The following NOP14 variants were observed in gnomAD, a reference collection of about 807,000 sequenced individuals.
NOP14 encodes nucleolar protein 14.
In NOP14, 57 loss-of-function variants were observed where a neutral mutation model predicts 101.6. The ratio of observed to expected loss-of-function variants is 0.56; its 90% CI spans 0.45 to 0.70. NOP14 has a LOEUF of 0.70. Among genes scored for constraint, NOP14 ranks in the 30% least tolerant of loss-of-function variants. The pLI is 0.00. For synonymous variants in NOP14, 428 were observed against 424.0 expected, an observed-to-expected ratio of 1.01 and a Z score of -0.12; for missense variants, 1,134 against 1,075.5, an observed-to-expected ratio of 1.05 and a Z score of -0.76.
At chr4:2,951,038 C>A in intron 7 of NOP14, 76 bp downstream of exon 7, 1 of 1,361,318 alleles carries the variant, frequency 7.3e-7, no homozygotes, top group South Asian at 1.4e-5. Context: ...GTAATAAATC[C>A]CTAAAATGAA....
intron 3 of NOP14, among the ~76,000 whole-genome samples, chr4:2,954,923 A>G (rs917298822): frequency 2.6e-5 from 4 of 151,892 alleles, no homozygotes; most frequent in Non-Finnish European, 4.4e-5. Flanking sequence ...CAGTGGTGCA[A>G]TCTGTGTCCC....
chr4:2,941,011 G>C (rs1295590656), intron 15 of NOP14: 2 of 154,444 alleles, frequency 1.3e-5, no homozygotes, highest in Non-Finnish European at 2.9e-5. Context: ...GGCAGGGTTG[G>C]GGCAGGATGA....
In NOP14 at chr4:2,946,589, A is replaced by G. The variant is rs766604819; in HGVS notation, c.1500-42T>C. 1.9e-6 allele frequency: 3 copies of G among 1,605,758 alleles called. No homozygotes were observed. In the African/African-American group the frequency reaches 4.0e-5, roughly 21 times the overall value. ...TAAAGTCAGGAGAGAATGACTTTAG[A>G]TAAGAAACACAGAAAAGCCCTGCAA... On this transcript the variant is annotated intron_variant, in intron 10 of 17. Coordinates refer to ENST00000416614, the MANE Select transcript of NOP14 (RefSeq NM_001291978.2).
At chr4:2,961,781 G>T (rs1326356823) in intron 1 of NOP14, 1 of 152,192 alleles carries the variant, frequency 6.6e-6, no homozygotes, top group African/African-American at 2.4e-5. Context: ...ATCTCCTAAG[G>T]CACTCAGGTT....
intron 11 of NOP14, among the ~76,000 whole-genome samples, chr4:2,945,485 A>T (rs1714556235): frequency 6.6e-6 from 1 of 152,204 alleles, no homozygotes; most frequent in South Asian, 2.1e-4. Context: ...GGCTCAGATC[A>T]TGTTTTGGGG....
At position 2,948,268 on chromosome 4, in the gene NOP14, A is replaced by G. The variant is rs1223767605; in HGVS notation, c.1413+10T>C. ...ACTCCCAGCGCTCCACACACACTCA[A>G]TCCACGTACTTCTAATTTTGCTTTG... On this transcript the variant is annotated intron_variant, in intron 9 of 17. Coordinates refer to ENST00000416614, the MANE Select transcript of NOP14 (RefSeq NM_001291978.2). 2.5e-6 allele frequency: 4 copies of G among 1,595,366 alleles called. No individual in the cohort carries two copies. Among genetic ancestry groups the G allele is most frequent in the Non-Finnish European group, 3.4e-6 (4 of 1,174,212 alleles).
chr4:2,943,549 GCTC>G (rs1467572763), intron 13 of NOP14, among the ~76,000 whole-genome samples: 2 of 152,224 alleles, frequency 1.3e-5, no homozygotes, highest in African/African-American at 2.4e-5. Context: ...TGTGCAGACT[GCTC>G]CTCATCCCAA....
rs140556721 is a variant in NOP14 at position 2,941,991 on chromosome 4, A to C, written c.2051+201T>G. On this transcript the variant is annotated intron_variant, in intron 14 of 17. Coordinates refer to ENST00000416614, the MANE Select transcript of NOP14 (RefSeq NM_001291978.2). Reference sequence around the variant, plus strand: ...TTTTGGTTCCAAATTATGATTTGTGAAATCAAGCAAATGTATTTTGAAAAT... The same window carrying C: ...TTTTGGTTCCAAATTATGATTTGTGCAATCAAGCAAATGTATTTTGAAAAT... 5.0e-3 allele frequency: 3,218 copies of C among 644,002 alleles called. 15 individuals carry two copies. The highest frequency in any genetic ancestry group is 0.017 in the Middle Eastern group (41 of 2,360). 39.9% of individuals were successfully genotyped at this position (644,002 alleles called of 1,614,324 possible).
intron 11 of NOP14, 33 bp downstream of exon 11, chr4:2,946,379 G>A (rs899257895): frequency 3.1e-6 from 5 of 1,611,312 alleles, no homozygotes; most frequent in South Asian, 1.1e-5. Context: ...AACTTCTGTG[G>A]CAGGGGCAGT....
In NOP14 at chr4:2,951,116, T is replaced by C; in HGVS notation, c.1000A>G (p.Lys334Glu). ...GAAAATGAAGGCAAACATCTTACTTTGTAGGAAAGCAAACGCCTGTCATCT... is the reference window on the plus strand; with the variant it reads ...GAAAATGAAGGCAAACATCTTACTTCGTAGGAAAGCAAACGCCTGTCATCT... The part of the protein sequence containing the change: ...DKDDRRLLSY[K>E]DGKMNVEEDV... Residue 334 changes from lysine (K) to glutamate (E), a missense_variant and splice_region_variant, in exon 7 of 18, where the codon AAA becomes GAA. Physicochemically the swap from Lys to Glu is moderately conservative, Grantham distance 56 (BLOSUM62 1). Coordinates refer to ENST00000416614, the MANE Select transcript of NOP14 (RefSeq NM_001291978.2). 1.2e-6 allele frequency: 2 copies of C among 1,606,104 alleles called. No individual in the cohort carries two copies. Among genetic ancestry groups the C allele is most frequent in the South Asian group, 1.1e-5 (1 of 90,016 alleles).
At chr4:2,946,680 A>G in intron 10 of NOP14, 133 bp from the exon 11 acceptor site, 1 of 744,158 alleles carries the variant, frequency 1.3e-6, no homozygotes, top group Non-Finnish European at 2.2e-6. Context: ...GCTTTTTCTA[A>G]CAGCATTCTT....
At chr4:2,960,702 TATTAATATATTAATATTATA>T in intron 1 of NOP14, among the ~76,000 whole-genome samples, 1 of 135,792 alleles carries the variant, frequency 7.4e-6, no homozygotes, top group East Asian at 2.0e-4. Context: ...ATCACATTAA[TATTAATATATTAATATTATA>T]ATCACATTAA....
chr4:2,943,624 G>A (rs1423283824), intron 13 of NOP14, among the ~76,000 whole-genome samples: 5 of 152,230 alleles, frequency 3.3e-5, no homozygotes, highest in African/African-American at 1.2e-4. Context: ...ACAGCAGCGC[G>A]GCCTGTGTGA....
rs370706586 is a variant in NOP14 at position 2,945,124 on chromosome 4, G to T, written c.1737+4C>A. 2 of 1,574,972 alleles carry T rather than the reference G, an allele frequency of 1.3e-6. No individual in the cohort carries two copies. The highest frequency in any genetic ancestry group is 2.3e-5 in the East Asian group (1 of 43,408). On this transcript the variant is annotated splice_donor_region_variant and intron_variant, in intron 12 of 17. Coordinates refer to ENST00000416614, the MANE Select transcript of NOP14 (RefSeq NM_001291978.2). ...GACCCCTGCCGCATGTGGAGAGAACGCACCTTGGTGAGCAGCTGACTGAGG... is the reference window on the plus strand; with the variant it reads ...GACCCCTGCCGCATGTGGAGAGAACTCACCTTGGTGAGCAGCTGACTGAGG...
intron 2 of NOP14, 78 bp from the exon 3 acceptor site, chr4:2,956,889 T>C: frequency 8.1e-7 from 1 of 1,232,146 alleles, no homozygotes; most frequent in Non-Finnish European, 1.1e-6. Flanking sequence ...GGTAGATATA[T>C]ATATTTCCAT....
chr4:2,952,495 C>G (rs1715095536), intron 5 of NOP14, 98 bp from the exon 6 acceptor site: 1 of 1,110,754 alleles, frequency 9.0e-7, no homozygotes, highest in South Asian at 1.9e-5. Flanking sequence ...CTAGTAATGG[C>G]TAGATAATGT....
chr4:2,949,089 G>A (rs1412228082), intron 8 of NOP14, among the ~76,000 whole-genome samples: 2 of 152,202 alleles, frequency 1.3e-5, no homozygotes, highest in South Asian at 2.1e-4. Flanking sequence ...GTCAGCTCAG[G>A]AGACTCTTGC....
At chr4:2,959,488 G>C (rs1375174181) in intron 1 of NOP14, among the ~76,000 whole-genome samples, 1 of 152,174 alleles carries the variant, frequency 6.6e-6, no homozygotes, top group Non-Finnish European at 1.5e-5. Context: ...AGCTACTCAG[G>C]AGGCTGAGGC....
chr4:2,938,516 T>G lies in NOP14; in HGVS notation c.*315A>C. 3.1e-6 allele frequency: 1 copy of G among 324,390 alleles called. No homozygotes were observed. The highest frequency in any genetic ancestry group is 2.8e-5 in the South Asian group (1 of 35,830). 20.1% of individuals were successfully genotyped at this position (324,390 alleles called of 1,614,324 possible). A position where few individuals can be genotyped will look rare whatever the true frequency, so the allele number is the denominator to read the frequency against. On this transcript the variant is annotated 3_prime_UTR_variant, in exon 18 of 18. Coordinates refer to ENST00000416614, the MANE Select transcript of NOP14 (RefSeq NM_001291978.2). ...CAAAACTCCGTCTCAAAAAAAAAAA[T>G]TTTTTTTTAAGCGACACAGTCTTGC...
Sources: gnomAD v4.1 joint callset for allele counts (sites outside exome capture counted in the v4.1 genomes callset) on GRCh38, gnomAD v4.1.1 for gene constraint, MANE v1.5 for transcripts, NCBI Gene and HGNC (gene_info 2026-07-23, HGNC 2026-07-21) for gene names.